POU1F1: variants seen among roughly 807,000 people sequenced by gnomAD.
POU1F1 encodes the protein pituitary-specific positive transcription factor 1.
A neutral mutation model predicts 32.3 loss-of-function variants in POU1F1; 23 were observed. That is an observed-to-expected ratio of 0.71 (90% confidence interval 0.51 to 1.01). The LOEUF is 1.01. POU1F1 is among the 50% of genes least tolerant of loss of function. The probability of loss-of-function intolerance (pLI) is 0.00; values close to 1 mark genes in which losing one functional copy is unlikely to be tolerated. For synonymous variants in POU1F1, 120 were observed against 115.6 expected, an observed-to-expected ratio of 1.04 and a Z score of -0.25; for missense variants, 323 against 341.6, an observed-to-expected ratio of 0.95 and a Z score of 0.43.
intron 5 of POU1F1, among the ~76,000 whole-genome samples, chr3:87,260,736 TTTTC>T (rs1464121604): frequency 1.3e-5 from 2 of 152,074 alleles, no homozygotes; most frequent in African/African-American, 4.8e-5. Context: ...GAAATGATTG[TTTTC>T]TTTCTGTTTG....
intron 2 of POU1F1, among the ~76,000 whole-genome samples, chr3:87,268,313 G>A (rs900149127): frequency 1.3e-5 from 2 of 151,436 alleles, no homozygotes; most frequent in Non-Finnish European, 2.9e-5. Flanking sequence ...CACCACATTG[G>A]CCAGGCTATT....
chr3:87,264,879 A>G (rs1214260694), intron 2 of POU1F1, among the ~76,000 whole-genome samples: 1 of 152,168 alleles, frequency 6.6e-6, no homozygotes, highest in Non-Finnish European at 1.5e-5. Flanking sequence ...ACCAGAGTCT[A>G]TGCATTGAAC....
rs1474019169 is a variant in POU1F1, at chr3:87,262,117, C to G, written c.558G>C (p.Leu186=). Residue 186 remains leucine (L), a synonymous_variant, in exon 4 of 6, where the codon CTG becomes CTC. Transcript: ENST00000350375. The part of the protein sequence containing the change: ...LQLSFKNACK[L]KAILSKWLEE... ...CCAGCCATTTGGATAATATTGCTTT[C>G]AGTTTGCATGCATTTTTAAAGCTGA... 1 of 1,614,062 alleles carries G rather than the reference C, an allele frequency of 6.2e-7. No homozygotes were observed. The highest frequency in any genetic ancestry group is 1.1e-5 in the South Asian group (1 of 91,074).
chr3:87,261,966 G>T, intron 4 of POU1F1, 105 bp downstream of exon 4: 3 of 1,357,900 alleles, frequency 2.2e-6, no homozygotes, highest in African/African-American at 1.4e-5. Flanking sequence ...GAGAAAAGGC[G>T]GAAAAAAACC....
chr3:87,265,344 A>G (rs2106931307), intron 2 of POU1F1, among the ~76,000 whole-genome samples: 1 of 152,242 alleles, frequency 6.6e-6, no homozygotes, highest in East Asian at 1.9e-4. Flanking sequence ...CATTGACTCT[A>G]CTGAGTGGAT....
Position 87,276,339 on chromosome 3 carries a change from T to C in POU1F1, c.124A>G (p.Thr42Ala), listed in dbSNP as rs1186479393. 1.9e-6 allele frequency: 3 copies of C among 1,613,956 alleles called. No homozygotes were observed. In the South Asian group the frequency reaches 3.3e-5, roughly 18 times the overall value. The change falls in exon 1 of 6, where the codon ACC (threonine) becomes GCC (alanine). Residue 42 changes from threonine to alanine, a missense_variant. Coordinates refer to ENST00000350375, the MANE Select transcript of POU1F1 (RefSeq NM_000306.4). Reference sequence around the variant, plus strand: ...TCAGTACCTGTAGACATCACATTGGTGGCATGGTTGGAGACTGGTAGACAC... The same window carrying C: ...TCAGTACCTGTAGACATCACATTGGCGGCATGGTTGGAGACTGGTAGACAC... ...AECLPVSNHA[T>A]NVMSTATGLH...
rs776549000 is a variant in POU1F1 at position 87,264,452 on chromosome 3, G to C, written c.275C>G (p.Pro92Arg). 4.0e-5 allele frequency: 64 copies of C among 1,613,524 alleles called. 1 individual carries two copies. Among genetic ancestry groups the C allele is most frequent in the South Asian group, 1.1e-4 (10 of 91,074 alleles). Residue 92 changes from proline to arginine, a missense_variant, in exon 3 of 6, where the codon CCT becomes CGT. Physicochemically the swap from Pro to Arg is moderately radical, Grantham distance 103. Transcript: ENST00000350375. ...PDHTLSHGFP[P>R]IHQPLLAEDP... ...CTCTGCCAGAAGAGGCTGGTGTATA[G>C]GAGGAAATCCATGACTCAAGGTGTG...
At chr3:87,272,492 G>T (rs1706746529) in intron 2 of POU1F1, among the ~76,000 whole-genome samples, 1 of 152,070 alleles carries the variant, frequency 6.6e-6, no homozygotes, top group Non-Finnish European at 1.5e-5. Flanking sequence ...ATAAAACTGT[G>T]TACTTTTTAA....
chr3:87,264,325 CTT>C lies in POU1F1; in HGVS notation c.400_401del (p.Lys134ValfsTer4). On this transcript the variant is annotated frameshift_variant, in exon 3 of 6. Coordinates refer to ENST00000350375, the MANE Select transcript of POU1F1 (RefSeq NM_000306.4). LOFTEE classifies it high-confidence loss of function. ...GTCTCACTTTAAATTCATTGGCAAACTTTTCAAGTTCTCTGATTTCTGGAGAA... is the reference window on the plus strand; with the variant it reads ...GTCTCACTTTAAATTCATTGGCAAACTTCAAGTTCTCTGATTTCTGGAGAA... The part of the protein sequence containing the change: ...MDSPEIRELE[K>X]FANEFKVRRI... 1 of 1,613,836 alleles carries C rather than the reference CTT, an allele frequency of 6.2e-7. No individual in the cohort carries two copies. Among genetic ancestry groups the C allele is most frequent in the Non-Finnish European group, 8.5e-7 (1 of 1,179,820 alleles).
chr3:87,267,840 C>T (rs1403678802), intron 2 of POU1F1, among the ~76,000 whole-genome samples: 1 of 152,076 alleles, frequency 6.6e-6, no homozygotes, highest in African/African-American at 2.4e-5. Context: ...CTCCTGGCTT[C>T]AAGCAATCCT....
At chr3:87,267,985 C>T (rs902403101) in intron 2 of POU1F1, among the ~76,000 whole-genome samples, 1 of 151,682 alleles carries the variant, frequency 6.6e-6, no homozygotes, top group Non-Finnish European at 1.5e-5. Context: ...GAATGGAATC[C>T]ATGAAAAGTA....
At position 87,259,611 on chromosome 3, in the gene POU1F1, G is replaced by A. The variant is rs1294675168; in HGVS notation, c.*283C>T. ...AACCCATACTCATATGTCTGCGTGT[G>A]TGTGAGAAAGAGAGCGGGAGAGACA... On this transcript the variant is annotated 3_prime_UTR_variant, in exon 6 of 6. Transcript: ENST00000350375. The A allele has an allele frequency of 2.5e-6, 1 of 395,402 alleles. No individual in the cohort carries two copies. Among genetic ancestry groups the A allele is most frequent in the Non-Finnish European group, 4.6e-6 (1 of 217,264 alleles). 24.5% of individuals were successfully genotyped at this position (395,402 alleles called of 1,614,324 possible).
chr3:87,266,645 CAGACA>C (rs1322145172), intron 2 of POU1F1, among the ~76,000 whole-genome samples: 1 of 151,600 alleles, frequency 6.6e-6, no homozygotes, highest in Non-Finnish European at 1.5e-5. Context: ...GCATCTTGAT[CAGACA>C]AGAGAACATT....
At chr3:87,274,440 T>C (rs300979) in intron 1 of POU1F1, among the ~76,000 whole-genome samples, 21,563 of 151,870 alleles carry the variant, frequency 0.14, 1,622 homozygotes, top group South Asian at 0.19. Context: ...TTATAAAGTA[T>C]GGTTAGAATC....
At chr3:87,272,597 CTG>C (rs1327772510) in intron 2 of POU1F1, among the ~76,000 whole-genome samples, 1 of 152,164 alleles carries the variant, frequency 6.6e-6, no homozygotes, top group East Asian at 1.9e-4. Flanking sequence ...TCCTCAAAAA[CTG>C]TGCTTCAATG....
chr3:87,266,030 G>T (rs1706613766), intron 2 of POU1F1, among the ~76,000 whole-genome samples: 1 of 150,508 alleles, frequency 6.6e-6, no homozygotes, highest in Admixed American at 6.6e-5. Context: ...TGCATCAAGA[G>T]TTCATGCTAC....
At chr3:87,275,427 T>C (rs1706808874) in intron 1 of POU1F1, among the ~76,000 whole-genome samples, 2 of 152,072 alleles carry the variant, frequency 1.3e-5, no homozygotes, top group South Asian at 2.1e-4. Flanking sequence ...ACTCAAACTT[T>C]GATTTCTAAA....
chr3:87,260,110 G>C lies in POU1F1; in HGVS notation c.666-6C>G, dbSNP rs201995103. On this transcript the variant is annotated splice_region_variant and splice_polypyrimidine_tract_variant and intron_variant, in intron 5 of 5. Transcript: ENST00000350375. The stretch of plus-strand genomic sequence containing the variant: ...GAGCATCTTTAGCAGCAATGCTGGC[G>C]GGGGGTGGACATAGGGGGTGAAATT... 1.2e-6 allele frequency: 2 copies of C among 1,610,312 alleles called. No individual in the cohort carries two copies. Among genetic ancestry groups the C allele is most frequent in the Non-Finnish European group, 1.7e-6 (2 of 1,177,642 alleles).
intron 5 of POU1F1, among the ~76,000 whole-genome samples, 178 bp downstream of exon 5, chr3:87,261,095 G>A (rs1706506141): frequency 6.6e-6 from 1 of 151,764 alleles, no homozygotes; most frequent in Non-Finnish European, 1.5e-5. Flanking sequence ...ATTTTTAGTA[G>A]AAACAGAGTT....
Sources: gnomAD v4.1 joint callset for allele counts (sites outside exome capture counted in the v4.1 genomes callset) on GRCh38, gnomAD v4.1.1 for gene constraint, MANE v1.5 for transcripts, NCBI Gene and HGNC (gene_info 2026-07-23, HGNC 2026-07-21) for gene names.